Variants in ITGA11 observed in about 807,000 individuals in gnomAD.
ITGA11 encodes integrin subunit alpha 11.
ITGA11 carries 97 observed loss-of-function variants against 141.9 expected under a neutral mutation model. The observed-to-expected ratio is 0.68, with a 90% CI of 0.58 to 0.81. The LOEUF is 0.81. Among genes scored for constraint, ITGA11 ranks in the 30% least tolerant of loss-of-function variants. ITGA11 has a pLI of 0.00. For missense variants in ITGA11, 1,387 were observed against 1,559.2 expected (o/e 0.89, Z 1.86); for synonymous variants, 658 against 624.6 (o/e 1.05, Z -0.80).
At chr15:68,346,226 G>A (rs1169450132) in intron 10 of ITGA11, among the ~76,000 whole-genome samples, 2 of 152,156 alleles carry the variant, frequency 1.3e-5, no homozygotes, top group African/African-American at 4.8e-5. Flanking sequence ...TGACCTTGAC[G>A]TGACCGAAGT....
At chr15:68,352,081 AAAACAAACAAACAAACAACCAAAC>A (rs1166979613) in intron 7 of ITGA11, among the ~76,000 whole-genome samples, 6 of 42,470 alleles carry the variant, frequency 1.4e-4, no homozygotes, top group African/African-American at 5.1e-4. Flanking sequence ...AGACTGTCTC[AAAACAAACAAACAAACAACCAAAC>A]AAACAAACAA....
chr15:68,404,589 C>A (rs1360388998), intron 1 of ITGA11, among the ~76,000 whole-genome samples: 1 of 152,158 alleles, frequency 6.6e-6, no homozygotes, highest in Non-Finnish European at 1.5e-5. Flanking sequence ...TGAGCATCGT[C>A]CTCACTTGGC....
intron 2 of ITGA11, among the ~76,000 whole-genome samples, chr15:68,371,936 C>T (rs986969945): frequency 6.6e-6 from 1 of 152,138 alleles, no homozygotes; most frequent in African/African-American, 2.4e-5. Context: ...TGGGTCCCAT[C>T]TCCACTCTCC....
chr15:68,373,016 A>C (rs193090817), intron 2 of ITGA11, among the ~76,000 whole-genome samples: 4 of 152,288 alleles, frequency 2.6e-5, no homozygotes, highest in African/African-American at 2.4e-5. Flanking sequence ...TTTTTTTCAG[A>C]TAAAATATAA....
chr15:68,359,516 C>A (rs1895177445), intron 5 of ITGA11, among the ~76,000 whole-genome samples: 1 of 152,068 alleles, frequency 6.6e-6, no homozygotes, highest in Non-Finnish European at 1.5e-5. Context: ...AGTCGTGATG[C>A]ACACCTGTAA....
intron 2 of ITGA11, among the ~76,000 whole-genome samples, chr15:68,377,166 T>C (rs185193519): frequency 6.6e-6 from 1 of 152,374 alleles, no homozygotes; most frequent in Admixed American, 6.5e-5. Flanking sequence ...ATCCTTTAAT[T>C]GGTTCAAAAA....
chr15:68,362,462 G>A (rs1163627905), intron 4 of ITGA11, among the ~76,000 whole-genome samples: 7 of 152,178 alleles, frequency 4.6e-5, no homozygotes, highest in Non-Finnish European at 1.0e-4. Context: ...TTTTATCTGT[G>A]TACTTTGTTG....
At chr15:68,317,220 C>G (rs569162418) in intron 21 of ITGA11, 45 bp downstream of exon 21, 3 of 1,367,290 alleles carry the variant, frequency 2.2e-6, no homozygotes, top group Non-Finnish European at 3.1e-6. Flanking sequence ...CCTGTGCCTC[C>G]CAGTGCCCAC....
chr15:68,410,324 TG>T (rs1449458812), intron 1 of ITGA11, among the ~76,000 whole-genome samples: 1 of 152,116 alleles, frequency 6.6e-6, no homozygotes, highest in Non-Finnish European at 1.5e-5. Context: ...TCATTTTCCT[TG>T]GAGGGAGGGC....
rs530808079 is a variant in ITGA11 at position 68,303,787 on chromosome 15, G to A, written c.3480C>T (p.Val1160=). 1 of 1,611,450 alleles carries A rather than the reference G, an allele frequency of 6.2e-7. No individual in the cohort carries two copies. The highest frequency in any genetic ancestry group is 1.7e-5 in the Admixed American group (1 of 59,918). The change falls in exon 29 of 30, where the codon GTC becomes GTT. Residue 1160 remains valine (V), a synonymous_variant. Coordinates refer to ENST00000315757, the MANE Select transcript of ITGA11 (RefSeq NM_001004439.2). This position sits in a 1 kb window ranked among gnomAD's most constrained non-coding sequence, Gnocchi z 5.3. ...GGGCCCTCACCTTCCACAGTGCCAGGACCAGCAGGGCCAGCAGTAGGAGGC... is the reference window on the plus strand; with the variant it reads ...GGGCCCTCACCTTCCACAGTGCCAGAACCAGCAGGGCCAGCAGTAGGAGGC... ...LGGLLLLALL[V]LALWKLGFFR...
At chr15:68,405,109 C>G (rs1047636831) in intron 1 of ITGA11, among the ~76,000 whole-genome samples, 8 of 147,706 alleles carry the variant, frequency 5.4e-5, no homozygotes, top group African/African-American at 1.7e-4. Context: ...GGGGCACCTA[C>G]TTTAATAAGG....
Position 68,303,946 on chromosome 15 carries a change from G to A in ITGA11, c.3382-61C>T. 9.2e-7 allele frequency: 1 copy of A among 1,091,590 alleles called. No homozygotes were observed. Among genetic ancestry groups the A allele is most frequent in the Non-Finnish European group, 1.4e-6 (1 of 715,880 alleles). 67.6% of individuals were successfully genotyped at this position (1,091,590 alleles called of 1,614,324 possible). A position where few individuals can be genotyped will look rare whatever the true frequency, so the allele number is the denominator to read the frequency against. On this transcript the variant is annotated intron_variant, in intron 28 of 29. Transcript: ENST00000315757. The surrounding 1 kb of genome is among the most constrained non-coding windows in gnomAD (Gnocchi z 5.3). The stretch of plus-strand genomic sequence containing the variant: ...TCTTCTGGGGCTGGGGTGGCAGTCT[G>A]GGAGGGGCAGGAGGGTGGAGACAGC...
Position 68,300,312 on chromosome 15 carries a change from C to T in ITGA11, c.*2747G>A, listed in dbSNP as rs1208380247. ...GCTTGGGCACAACCCCCTCTTTCTT[C>T]ATCTTACAGCCTGGATATTCACTTA... On this transcript the variant is annotated 3_prime_UTR_variant, in exon 30 of 30. Coordinates refer to ENST00000315757, the MANE Select transcript of ITGA11 (RefSeq NM_001004439.2). 6.6e-6 allele frequency: 1 copy of T among 152,192 alleles called. No individual in the cohort carries two copies. Among genetic ancestry groups the T allele is most frequent in the Non-Finnish European group, 1.5e-5 (1 of 68,038 alleles). 9.4% of individuals were successfully genotyped at this position (152,192 alleles called of 1,614,324 possible).
At chr15:68,339,686 G>A in intron 10 of ITGA11, 42 bp from the exon 11 acceptor site, 1 of 1,607,932 alleles carries the variant, frequency 6.2e-7, no homozygotes, top group Non-Finnish European at 8.5e-7. Context: ...CTGTCCTCAT[G>A]GGCCAGTTGC....
In ITGA11 at chr15:68,297,590, A is replaced by C. The variant is rs907274856; in HGVS notation, c.*5469T>G. 1 of 151,868 alleles carries C rather than the reference A, an allele frequency of 6.6e-6. No individual in the cohort carries two copies. The highest frequency in any genetic ancestry group is 1.5e-5 in the Non-Finnish European group (1 of 67,960). The allele number at this position is 151,868 out of a possible 1,614,324, so 9.4% of individuals were successfully genotyped here. The stretch of plus-strand genomic sequence containing the variant: ...CTTTTATTACCACTACGTACTTCTA[A>C]ATATTAATGTTTTTACAAAAGCACT... On this transcript the variant is annotated 3_prime_UTR_variant, in exon 30 of 30. Coordinates refer to ENST00000315757, the MANE Select transcript of ITGA11 (RefSeq NM_001004439.2).
chr15:68,311,037 C>T lies in ITGA11; in HGVS notation c.3131G>A (p.Arg1044Gln), dbSNP rs200056013. The change falls in exon 26 of 30, where the codon CGG becomes CAG. Residue 1044 changes from arginine (R) to glutamine (Q), a missense_variant. Physicochemically the swap from Arg to Gln is conservative, Grantham distance 43. Coordinates refer to ENST00000315757, the MANE Select transcript of ITGA11 (RefSeq NM_001004439.2). ...CNIWGNSTEY[R>Q]PTPVEEDLRR... ...CAAGTCTTCCTCCACTGGGGTGGGC[C>T]GGTACTCAGTGCTATTGCCCCAGAT... The T allele has an allele frequency of 5.6e-5, 90 of 1,607,446 alleles. No homozygotes were observed. Among genetic ancestry groups the T allele is most frequent in the Admixed American group, 6.7e-5 (4 of 59,278 alleles).
At chr15:68,424,386 T>G (rs74022223) in intron 1 of ITGA11, among the ~76,000 whole-genome samples, 6,225 of 148,722 alleles carry the variant, frequency 0.042, 431 homozygotes, top group African/African-American at 0.15. Context: ...GAGTGTTTGG[T>G]TTTTTTTGCT....
At chr15:68,379,109 C>T (rs1349873793) in intron 2 of ITGA11, among the ~76,000 whole-genome samples, 4 of 152,212 alleles carry the variant, frequency 2.6e-5, no homozygotes, top group African/African-American at 9.7e-5. Flanking sequence ...GCACCCCTCC[C>T]CATCTCACAC....
intron 28 of ITGA11, among the ~76,000 whole-genome samples, chr15:68,306,475 C>T (rs1893201762): frequency 6.6e-6 from 1 of 152,206 alleles, no homozygotes; most frequent in Non-Finnish European, 1.5e-5. Flanking sequence ...CTCGGAATCG[C>T]TCCCCTCCGG....
Sources: allele counts gnomAD v4.1 joint callset (sites outside exome capture counted in the v4.1 genomes callset), GRCh38; gene constraint gnomAD v4.1.1; non-coding constraint Gnocchi (gnomAD v3.1); transcripts MANE v1.5; gene names NCBI Gene and HGNC (gene_info 2026-07-23, HGNC 2026-07-21).